BACH2: variants seen among roughly 807,000 people sequenced by gnomAD.
BACH2 encodes the protein BACH transcriptional regulator 2, also known as transcription regulator protein BACH2.
BACH2 carries 5 observed loss-of-function variants against 61.8 expected under a neutral mutation model. The observed-to-expected ratio is 0.08, with a 90% CI of 0.04 to 0.17. The LOEUF is 0.17. Among genes scored for constraint, BACH2 ranks in the 10% least tolerant of loss-of-function variants. BACH2 has a pLI of 1.00. For missense variants in BACH2, 824 were observed against 1,091.1 expected (o/e 0.76, Z 3.45); for synonymous variants, 446 against 440.1 (o/e 1.01, Z -0.17).
intron 4 of BACH2, among the ~76,000 whole-genome samples, chr6:90,121,090 CACTT>C (rs1783604185): frequency 6.6e-6 from 1 of 152,138 alleles, no homozygotes; most frequent in South Asian, 2.1e-4. Context: ...AAAAATTCCT[CACTT>C]AAAGAGACTG....
chr6:90,200,333 C>A (rs927721306), intron 4 of BACH2, among the ~76,000 whole-genome samples: 1 of 152,116 alleles, frequency 6.6e-6, no homozygotes, highest in East Asian at 1.9e-4. Context: ...TCTTTGAACA[C>A]GTAAATGAAG....
At chr6:90,203,377 T>C (rs1289340004) in intron 4 of BACH2, among the ~76,000 whole-genome samples, 1 of 101,260 alleles carries the variant, frequency 9.9e-6, no homozygotes, top group Non-Finnish European at 1.8e-5. Flanking sequence ...AGCAAGACCC[T>C]CTCTCTCTCT....
chr6:90,244,653 T>C (rs1770573704), intron 3 of BACH2, among the ~76,000 whole-genome samples: 4 of 152,138 alleles, frequency 2.6e-5, no homozygotes, highest in Admixed American at 2.0e-4. Context: ...CTCGTGTACA[T>C]GTGCTCTGTG....
chr6:90,256,291 T>C (rs373131217), intron 2 of BACH2, among the ~76,000 whole-genome samples: 2 of 152,202 alleles, frequency 1.3e-5, no homozygotes, highest in South Asian at 2.1e-4. Context: ...GTGATTGAGT[T>C]CTACCACGAA....
intron 4 of BACH2, among the ~76,000 whole-genome samples, chr6:90,176,373 G>A (rs1461547429): frequency 6.6e-6 from 1 of 152,130 alleles, no homozygotes. Context: ...GAGTTCAGTG[G>A]TCGAAAAACA....
intron 4 of BACH2, among the ~76,000 whole-genome samples, chr6:90,190,207 T>C (rs1336410201): frequency 6.6e-6 from 1 of 152,202 alleles, no homozygotes; most frequent in African/African-American, 2.4e-5. Flanking sequence ...CCTCCCAAAG[T>C]GGTGGGATTA....
rs138189657 is a variant in BACH2, at chr6:90,291,454, G to A, written c.-446+5026C>T. Among the ~76,000 whole-genome samples, 229 of 151,100 alleles carry A rather than the reference G, an allele frequency of 1.5e-3. 1 individual carries two copies. Among genetic ancestry groups the A allele is most frequent in the African/African-American group, 5.4e-3 (221 of 41,080 alleles). ...CAGCCTTACGGAAGCTGAGTAGCATGCTGATAGTAAAATTAAGTTTCAGTT... is the reference window on the plus strand; with the variant it reads ...CAGCCTTACGGAAGCTGAGTAGCATACTGATAGTAAAATTAAGTTTCAGTT... On this transcript the variant is annotated intron_variant, in intron 1 of 8. Coordinates refer to ENST00000257749, the MANE Select transcript of BACH2 (RefSeq NM_021813.4).
At chr6:90,189,249 C>G (rs1294382226) in intron 4 of BACH2, among the ~76,000 whole-genome samples, 1 of 152,166 alleles carries the variant, frequency 6.6e-6, no homozygotes, top group Non-Finnish European at 1.5e-5. Flanking sequence ...TTAAATTGAA[C>G]TAGGATTTCC....
chr6:89,983,512 T>C (rs1776069092), intron 6 of BACH2, among the ~76,000 whole-genome samples: 1 of 151,924 alleles, frequency 6.6e-6, no homozygotes, highest in African/African-American at 2.4e-5. Context: ...CTACTAAAAA[T>C]ACAAAAATTA....
intron 4 of BACH2, among the ~76,000 whole-genome samples, chr6:90,101,991 C>T (rs1782648350): frequency 1.3e-5 from 2 of 152,144 alleles, no homozygotes; most frequent in African/African-American, 4.8e-5. Context: ...ACTGAACTTT[C>T]ATCCTGCAAA....
chr6:90,144,334 G>A (rs1481402586), intron 4 of BACH2, among the ~76,000 whole-genome samples: 1 of 152,102 alleles, frequency 6.6e-6, no homozygotes, highest in African/African-American at 2.4e-5. Flanking sequence ...TTGAAGGATT[G>A]GGAAGGACAG....
chr6:90,108,570 A>G (rs957206326), intron 4 of BACH2, among the ~76,000 whole-genome samples: 1 of 152,126 alleles, frequency 6.6e-6, no homozygotes, highest in Admixed American at 6.5e-5. Context: ...CTTCCTTCCC[A>G]GCTTGGGAAA....
At chr6:90,113,929 T>C (rs977811314) in intron 4 of BACH2, among the ~76,000 whole-genome samples, 2 of 151,984 alleles carry the variant, frequency 1.3e-5, no homozygotes, top group Admixed American at 6.6e-5. Flanking sequence ...ACAAGATGGA[T>C]AAATTCCTGG....
At chr6:90,223,792 G>A (rs1769821786) in intron 3 of BACH2, among the ~76,000 whole-genome samples, 1 of 152,050 alleles carries the variant, frequency 6.6e-6, no homozygotes, top group Admixed American at 6.6e-5. Flanking sequence ...ATTTTTAAAA[G>A]TGATCCAGAA....
chr6:89,930,384 A>G lies in BACH2; in HGVS notation c.*2024T>C, dbSNP rs1772577186. 6.6e-6 allele frequency: 1 copy of G among 152,658 alleles called. No individual in the cohort carries two copies. The highest frequency in any genetic ancestry group is 6.6e-5 in the Admixed American group (1 of 15,260). 9.5% of individuals were successfully genotyped at this position (152,658 alleles called of 1,614,324 possible). Reference sequence around the variant, plus strand: ...TATGATTTCACTTTTAGCCTACATCATATACTAATTTCCCCTTTTACATGC... The same window carrying G: ...TATGATTTCACTTTTAGCCTACATCGTATACTAATTTCCCCTTTTACATGC... On this transcript the variant is annotated 3_prime_UTR_variant, in exon 9 of 9. Coordinates refer to ENST00000257749, the MANE Select transcript of BACH2 (RefSeq NM_021813.4).
At position 90,123,195 on chromosome 6, in the gene BACH2, G is replaced by A. The variant is rs556557088; in HGVS notation, c.-161-34086C>T. 2.0e-5 allele frequency among the ~76,000 whole-genome samples: 3 copies of A among 152,294 alleles called. No individual in the cohort carries two copies. In the East Asian group the frequency reaches 5.8e-4, roughly 29 times the overall value. ...TAGAAGACACAGAAGAGAAGACAGA[G>A]GAGAAGGCCAAGAGAAGAGAAGAAG... On this transcript the variant is annotated intron_variant, in intron 4 of 8. Transcript: ENST00000257749.
intron 1 of BACH2, among the ~76,000 whole-genome samples, chr6:90,285,654 C>A (rs1178310325): frequency 6.6e-6 from 1 of 152,212 alleles, no homozygotes; most frequent in Non-Finnish European, 1.5e-5. Context: ...AAGGCTGTGT[C>A]TGGCTGCTGG....
chr6:89,950,970 C>A lies in BACH2; in HGVS notation c.1136G>T (p.Gly379Val). The change falls in exon 7 of 9, where the codon GGT becomes GTT. Residue 379 changes from glycine to valine, a missense_variant. By Grantham distance (109) the Gly-to-Val change is moderately radical. Transcript: ENST00000257749. This position sits in a 1 kb window ranked among gnomAD's most constrained non-coding sequence, Gnocchi z 5.3. ...AGGGGTGTAGTCAGTTTTAAGGTCA[C>A]CCTGAGTGATCCCCTTGTCAAAAGG... ...ACPFDKGITQ[G>V]DLKTDYTPFT... 6 of 1,574,306 alleles carry A rather than the reference C, an allele frequency of 3.8e-6. No homozygotes were observed. The highest frequency in any genetic ancestry group is 5.2e-6 in the Non-Finnish European group (6 of 1,160,744).
intron 5 of BACH2, among the ~76,000 whole-genome samples, chr6:90,068,647 T>G (rs943669290): frequency 3.3e-5 from 5 of 152,024 alleles, no homozygotes; most frequent in Middle Eastern, 3.4e-3. Flanking sequence ...TGTTTTTTTT[T>G]TTTGTTTTCT....
Sources: gnomAD v4.1 joint callset for allele counts (sites outside exome capture counted in the v4.1 genomes callset) on GRCh38, gnomAD v4.1.1 for gene constraint, Gnocchi (gnomAD v3.1) non-coding constraint, MANE v1.5 for transcripts, NCBI Gene and HGNC (gene_info 2026-07-23, HGNC 2026-07-21) for gene names.